APELA: variants seen among roughly 807,000 people sequenced by gnomAD.
The protein encoded by APELA is protein Elabela.
At chr4:164,895,190 T>A (rs1291974823) in intron 2 of APELA, among the ~76,000 whole-genome samples, 1 of 152,238 alleles carries the variant, frequency 6.6e-6, no homozygotes, top group Non-Finnish European at 1.5e-5. Flanking sequence ...AGAGTGAGAC[T>A]GTCTCAAAAA....
chr4:164,884,123 G>GAAAGAA (rs1491408376), intron 2 of APELA, among the ~76,000 whole-genome samples: 4 of 118,538 alleles, frequency 3.4e-5, no homozygotes, highest in African/African-American at 6.6e-5. Context: ...GAAAGAAAGA[G>GAAAGAA]AAAGAAAGAA....
chr4:164,878,196 A>AAAGAAAG lies in APELA; in HGVS notation c.77-722_77-721insGAAAGAA, dbSNP rs1553970695. Among the ~76,000 whole-genome samples the AAAGAAAG allele has an allele frequency of 9.5e-4, 137 of 143,474 alleles. 1 individual carries two copies. The highest frequency in any genetic ancestry group is 3.6e-3 in the African/African-American group (137 of 38,108). The allele number at this position is 143,474 out of a possible 152,430, so 94.1% of individuals were successfully genotyped here. A position where few individuals can be genotyped will look rare whatever the true frequency, so the allele number is the denominator to read the frequency against. Reference sequence around the variant, plus strand: ...GAAAGAAAGAAAGAAAGAAACAGAAAAAAGAAAGAAAGAAAGAAAGAAAGA... The same window carrying AAAGAAAG: ...GAAAGAAAGAAAGAAAGAAACAGAAAAAGAAAGAAAGAAAGAAAGAAAGAAAGAAAGA... On this transcript the variant is annotated intron_variant, in intron 1 of 2. Coordinates refer to ENST00000507152, the MANE Select transcript of APELA (RefSeq NM_001297550.2).
chr4:164,879,489 G>C (rs987800168), intron 2 of APELA, among the ~76,000 whole-genome samples: 1 of 152,064 alleles, frequency 6.6e-6, no homozygotes, highest in Non-Finnish European at 1.5e-5. Context: ...CTGTCACCCA[G>C]GCTGGAGTGT....
chr4:164,889,373 A>G (rs1730837982), intron 2 of APELA, among the ~76,000 whole-genome samples: 1 of 152,184 alleles, frequency 6.6e-6, no homozygotes, highest in Non-Finnish European at 1.5e-5. Flanking sequence ...TTATTTAAAC[A>G]TATGAAATCC....
intron 2 of APELA, among the ~76,000 whole-genome samples, chr4:164,895,183 G>A (rs566617942): frequency 1.6e-4 from 25 of 152,334 alleles, no homozygotes; most frequent in African/African-American, 5.3e-4. Context: ...GGGCAACAGA[G>A]TGAGACTGTC....
intron 2 of APELA, among the ~76,000 whole-genome samples, chr4:164,886,916 C>T (rs535542946): frequency 1.3e-5 from 2 of 151,988 alleles, no homozygotes; most frequent in South Asian, 2.1e-4. Flanking sequence ...CCCTCCACCT[C>T]CCAGGTTCAA....
intron 2 of APELA, among the ~76,000 whole-genome samples, chr4:164,888,525 G>A (rs1579110973): frequency 6.6e-6 from 1 of 152,224 alleles, no homozygotes; most frequent in East Asian, 1.9e-4. Flanking sequence ...GGGACCAGCT[G>A]CTGCAGAGGT....
chr4:164,884,574 G>A (rs894985995), intron 2 of APELA, among the ~76,000 whole-genome samples: 1 of 152,084 alleles, frequency 6.6e-6, no homozygotes, highest in Non-Finnish European at 1.5e-5. Flanking sequence ...TGTCCCAGAG[G>A]AGATAAGAGT....
At chr4:164,884,127 G>C (rs1035262007) in intron 2 of APELA, among the ~76,000 whole-genome samples, 32 of 137,654 alleles carry the variant, frequency 2.3e-4, no homozygotes, top group African/African-American at 6.9e-4. Flanking sequence ...GAAAGAGAAA[G>C]AAAGAAAGAA....
intron 2 of APELA, among the ~76,000 whole-genome samples, chr4:164,892,365 C>CAT (rs911612753): frequency 1.3e-5 from 2 of 152,070 alleles, no homozygotes; most frequent in East Asian, 3.9e-4. Context: ...TTCACACACA[C>CAT]ATATATATGT....
At chr4:164,893,011 A>C (rs1391527797) in intron 2 of APELA, among the ~76,000 whole-genome samples, 1 of 152,120 alleles carries the variant, frequency 6.6e-6, no homozygotes, top group African/African-American at 2.4e-5. Context: ...TGGTCAGTCT[A>C]AATAAAGTTC....
intron 2 of APELA, among the ~76,000 whole-genome samples, chr4:164,893,778 C>A (rs981661730): frequency 4.6e-5 from 7 of 152,086 alleles, no homozygotes; most frequent in Non-Finnish European, 8.8e-5. Context: ...CCGTCTGACA[C>A]AATCTGCCTT....
chr4:164,878,880 T>C (rs1730605253), intron 1 of APELA, 40 bp from the exon 2 acceptor site: 3 of 398,792 alleles, frequency 7.5e-6, no homozygotes, highest in Admixed American at 8.8e-5. Flanking sequence ...CAATTAAGCC[T>C]CTGAAAAATG....
chr4:164,895,321 A>G (rs1026547355), intron 2 of APELA, 95 bp from the exon 3 acceptor site: 10 of 152,154 alleles, frequency 6.6e-5, no homozygotes, highest in Admixed American at 3.3e-4. Context: ...AACTTCCATA[A>G]CTCATTATTA....
chr4:164,880,519 GATA>G (rs1228807818), intron 2 of APELA, among the ~76,000 whole-genome samples: 1 of 152,190 alleles, frequency 6.6e-6, no homozygotes, highest in Non-Finnish European at 1.5e-5. Context: ...GGTGTGTGTT[GATA>G]ATGCTTCCAG....
At chr4:164,880,222 T>C (rs1260101581) in intron 2 of APELA, among the ~76,000 whole-genome samples, 6 of 152,194 alleles carry the variant, frequency 3.9e-5, no homozygotes, top group Non-Finnish European at 7.3e-5. Flanking sequence ...AAAGAACAGT[T>C]GCTGTATCTA....
chr4:164,893,857 T>A (rs1011334712), intron 2 of APELA, among the ~76,000 whole-genome samples: 11 of 152,146 alleles, frequency 7.2e-5, no homozygotes, highest in African/African-American at 2.7e-4. Context: ...CGCAATTTTA[T>A]TTTTTCTTTT....
intron 2 of APELA, among the ~76,000 whole-genome samples, chr4:164,884,159 G>T (rs943131371): frequency 2.1e-5 from 3 of 141,518 alleles, no homozygotes; most frequent in African/African-American, 8.1e-5. Context: ...AAGAAAGAAA[G>T]GAGAAGAGAA....
chr4:164,894,475 G>C (rs1730936501), intron 2 of APELA, among the ~76,000 whole-genome samples: 1 of 151,442 alleles, frequency 6.6e-6, no homozygotes, highest in Non-Finnish European at 1.5e-5. Context: ...GGAGTGCAGT[G>C]GCTTGATCTG....
Sources: gnomAD v4.1 joint callset for allele counts (sites outside exome capture counted in the v4.1 genomes callset) on GRCh38, gnomAD v4.1.1 for gene constraint, MANE v1.5 for transcripts, NCBI Gene and HGNC (gene_info 2026-07-23, HGNC 2026-07-21) for gene names.